The following SMYD3 variants were observed in gnomAD, a reference collection of about 807,000 sequenced individuals.
The protein encoded by SMYD3 is SET and MYND domain containing 3.
A neutral mutation model predicts 57.7 loss-of-function variants in SMYD3; 36 were observed. The observed-to-expected ratio is 0.62, with a 90% CI of 0.48 to 0.82. SMYD3 has a LOEUF of 0.82. Among genes scored for constraint, SMYD3 ranks in the 40% least tolerant of loss-of-function variants. The pLI is 0.00. For synonymous variants in SMYD3, 211 were observed against 195.0 expected, an observed-to-expected ratio of 1.08 and a Z score of -0.68; for missense variants, 515 against 538.8, an observed-to-expected ratio of 0.96 and a Z score of 0.44.
chr1:246,372,559 T>G (rs1400895615), intron 1 of SMYD3, among the ~76,000 whole-genome samples: 1 of 152,136 alleles, frequency 6.6e-6, no homozygotes, highest in Non-Finnish European at 1.5e-5. Context: ...ATAGAGTAGG[T>G]ACAGAAAGAG....
chr1:246,295,469 A>T (rs1390442563), intron 5 of SMYD3, among the ~76,000 whole-genome samples: 1 of 152,194 alleles, frequency 6.6e-6, no homozygotes, highest in Non-Finnish European at 1.5e-5. Context: ...CAGTCAGGGA[A>T]AGGTCTCCAA....
intron 1 of SMYD3, among the ~76,000 whole-genome samples, chr1:246,382,787 C>A (rs868930): frequency 0.26 from 39,831 of 152,010 alleles, 5,715 homozygotes; most frequent in East Asian, 0.51. Flanking sequence ...ACCAGGCTAA[C>A]CCCCATGGAC....
intron 5 of SMYD3, among the ~76,000 whole-genome samples, chr1:246,084,395 T>C (rs949103398): frequency 1.1e-4 from 16 of 152,074 alleles, no homozygotes; most frequent in African/African-American, 3.6e-4. Flanking sequence ...TTTGTATTTT[T>C]TGTAGAGATG....
At chr1:246,196,142 T>C (rs2062828420) in intron 5 of SMYD3, among the ~76,000 whole-genome samples, 1 of 152,212 alleles carries the variant, frequency 6.6e-6, no homozygotes, top group Admixed American at 6.5e-5. Context: ...TTTTTGGCAG[T>C]TCTTTAGGCC....
intron 5 of SMYD3, among the ~76,000 whole-genome samples, chr1:246,165,974 G>T (rs1242548949): frequency 6.6e-6 from 1 of 152,030 alleles, no homozygotes; most frequent in African/African-American, 2.4e-5. Context: ...ATCTACATGT[G>T]CACATCTGAA....
chr1:245,976,855 CTAG>C (rs2058440881), intron 5 of SMYD3, among the ~76,000 whole-genome samples: 1 of 34,940 alleles, frequency 2.9e-5, no homozygotes, highest in African/African-American at 6.4e-5. Context: ...GCCATCGTCT[CTAG>C]CCTAGGGAAA....
chr1:245,968,712 C>T (rs1239886889), intron 5 of SMYD3, among the ~76,000 whole-genome samples: 2 of 152,208 alleles, frequency 1.3e-5, no homozygotes, highest in Middle Eastern at 3.2e-3. Context: ...ATACAATGGA[C>T]ACAATGGTAC....
intron 5 of SMYD3, among the ~76,000 whole-genome samples, chr1:246,288,132 G>C (rs555264701): frequency 7.4e-6 from 1 of 135,332 alleles, no homozygotes; most frequent in South Asian, 2.4e-4. Context: ...GGAGTACAGT[G>C]GTGCAATCTC....
chr1:245,811,040 T>C (rs764408015), intron 10 of SMYD3, among the ~76,000 whole-genome samples: 1 of 152,214 alleles, frequency 6.6e-6, no homozygotes, highest in South Asian at 2.1e-4. Context: ...CAATTCAACA[T>C]GGCTTCTTGC....
intron 8 of SMYD3, among the ~76,000 whole-genome samples, chr1:245,887,576 GA>G (rs1469998321): frequency 6.6e-6 from 1 of 152,102 alleles, no homozygotes; most frequent in African/African-American, 2.4e-5. Context: ...GAATCTCTTT[GA>G]AACCATCTCA....
intron 5 of SMYD3, among the ~76,000 whole-genome samples, chr1:246,263,035 T>A (rs934245671): frequency 6.6e-6 from 1 of 152,174 alleles, no homozygotes; most frequent in Non-Finnish European, 1.5e-5. Context: ...GTGATTTGAA[T>A]ACCTAATTCT....
chr1:246,218,390 G>A (rs1449837064), intron 5 of SMYD3, among the ~76,000 whole-genome samples: 1 of 152,108 alleles, frequency 6.6e-6, no homozygotes, highest in Non-Finnish European at 1.5e-5. Flanking sequence ...TTGGGAGGCC[G>A]AGGCAGGCGG....
chr1:246,481,653 CATAT>C (rs992556744), intron 1 of SMYD3, among the ~76,000 whole-genome samples: 2 of 100,036 alleles, frequency 2.0e-5, no homozygotes, highest in African/African-American at 3.5e-5. Context: ...CATATATGAT[CATAT>C]ATATAATTAT....
intron 5 of SMYD3, among the ~76,000 whole-genome samples, chr1:246,146,077 CAAG>C (rs1296214758): frequency 6.6e-6 from 1 of 152,052 alleles, no homozygotes; most frequent in Non-Finnish European, 1.5e-5. Flanking sequence ...GATATAATCG[CAAG>C]AAGGTAGAGG....
At chr1:246,016,666 T>C (rs1362509794) in intron 5 of SMYD3, among the ~76,000 whole-genome samples, 1 of 151,438 alleles carries the variant, frequency 6.6e-6, no homozygotes, top group African/African-American at 2.4e-5. Context: ...ACACAAGAAA[T>C]CTTGCTCTCA....
intron 5 of SMYD3, among the ~76,000 whole-genome samples, chr1:246,301,560 G>A (rs1382417087): frequency 1.3e-5 from 2 of 152,138 alleles, no homozygotes; most frequent in African/African-American, 4.8e-5. Context: ...TTAATAAACT[G>A]CATGCACACA....
chr1:246,038,679 T>G (rs1236157913), intron 5 of SMYD3, among the ~76,000 whole-genome samples: 2 of 152,190 alleles, frequency 1.3e-5, no homozygotes, highest in Admixed American at 6.5e-5. Flanking sequence ...CTCCAACATC[T>G]TTCCGACATC....
intron 10 of SMYD3, among the ~76,000 whole-genome samples, chr1:245,768,006 G>A (rs1054045878): frequency 1.3e-5 from 2 of 151,508 alleles, no homozygotes; most frequent in Non-Finnish European, 2.9e-5. Context: ...TTATGCAGCT[G>A]ATTTAACAGA....
chr1:246,319,217 T>C lies in SMYD3; in HGVS notation c.531+7984A>G, dbSNP rs768602286. On this transcript the variant is annotated intron_variant, in intron 5 of 11. Coordinates refer to ENST00000490107, the MANE Select transcript of SMYD3 (RefSeq NM_001167740.2). ...GCATGCAGTTAAGCATCCTAGCTGT[T>C]TGCCTGCTTTACTTAACACCAGAAG... is the stretch of plus-strand genomic sequence containing the variant. Among the ~76,000 whole-genome samples, 71 of 152,194 alleles carry C rather than the reference T, an allele frequency of 4.7e-4. 1 individual carries two copies. Among genetic ancestry groups the C allele is most frequent in the Non-Finnish European group, 1.0e-3 (68 of 68,028 alleles).
Sources: allele counts gnomAD v4.1 joint callset (sites outside exome capture counted in the v4.1 genomes callset), GRCh38; gene constraint gnomAD v4.1.1; transcripts MANE v1.5; gene names NCBI Gene and HGNC (gene_info 2026-07-23, HGNC 2026-07-21).